The following OCEL1 variants were observed in gnomAD, a reference collection of about 807,000 sequenced individuals.
OCEL1 encodes the protein occludin/ELL domain-containing protein 1.
In OCEL1, 24 loss-of-function variants were observed where a neutral mutation model predicts 29.4. The observed-to-expected ratio is 0.82, with a 90% confidence interval of 0.59 to 1.15. OCEL1 has a LOEUF of 1.15. Among genes scored for constraint, OCEL1 ranks in the 50% most tolerant of loss-of-function variants. The pLI, the probability that OCEL1 is intolerant of heterozygous loss-of-function variation, is 0.00. For synonymous variants in OCEL1, 172 were observed against 145.3 expected (o/e 1.18, Z -1.32); for missense variants, 402 against 352.5 (o/e 1.14, Z -1.13).
At position 17,226,735 on chromosome 19, in the gene OCEL1, C is replaced by A; in HGVS notation, c.112C>A (p.Pro38Thr). The A allele has an allele frequency of 1.3e-6, 2 of 1,545,532 alleles. No individual in the cohort carries two copies. Among genetic ancestry groups the A allele is most frequent in the East Asian group, 2.4e-5 (1 of 41,984 alleles). ...PPPPRAGHDA[P>T]RRTRPSARKP... Reference sequence around the variant, plus strand: ...CCCGCCGCGCGCGGGACACGACGCCCCCCGCAGGACCCGCCCATCAGCCCG... The same window carrying A: ...CCCGCCGCGCGCGGGACACGACGCCACCCGCAGGACCCGCCCATCAGCCCG... The change falls in exon 2 of 6, where the codon CCC becomes ACC. Residue 38 changes from proline (P) to threonine (T), a missense_variant. By Grantham distance (38) the Pro-to-Thr change is conservative. Transcript: ENST00000215061.
intron 4 of OCEL1, 52 bp downstream of exon 4, chr19:17,228,057 C>G (rs754152747): frequency 6.3e-7 from 1 of 1,595,628 alleles, no homozygotes; most frequent in East Asian, 2.2e-5. Context: ...GTGGCCCGAC[C>G]CAAGCCTCTG....
Position 17,226,727 on chromosome 19 carries a change from A to C in OCEL1, c.104A>C (p.His35Pro). The C allele has an allele frequency of 6.5e-7, 1 of 1,536,242 alleles. No individual in the cohort carries two copies. The highest frequency in any genetic ancestry group is 8.7e-7 in the Non-Finnish European group (1 of 1,149,100). The change falls in exon 2 of 6, where the codon CAC becomes CCC. Residue 35 changes from histidine to proline, a missense_variant. Coordinates refer to ENST00000215061, the MANE Select transcript of OCEL1 (RefSeq NM_024578.3). ...ARRPPPPRAG[H>P]DAPRRTRPSA... ...AGACCACCCCCGCCGCGCGCGGGAC[A>C]CGACGCCCCCCGCAGGACCCGCCCA...
chr19:17,228,064 T>A, intron 4 of OCEL1, 59 bp downstream of exon 4: 1 of 1,586,276 alleles, frequency 6.3e-7, no homozygotes, highest in East Asian at 2.2e-5. Context: ...GACCCAAGCC[T>A]CTGGGACACC....
rs766788079 is a variant in OCEL1 at position 17,228,999 on chromosome 19, C to T, written c.*74C>T. 9.8e-6 allele frequency: 15 copies of T among 1,528,948 alleles called. No homozygotes were observed. The African/African-American group carries it at 2.1e-4, about 21-fold the overall frequency. The allele number at this position is 1,528,948 out of a possible 1,614,324, so 94.7% of individuals were successfully genotyped here. A position where few individuals can be genotyped will look rare whatever the true frequency, so the allele number is the denominator to read the frequency against. Reference sequence around the variant, plus strand: ...CATTTCTTGGTATCTCTCAGCTTTTCCTCTTGCAGCTCCCCCTACCAGGGG... The same window carrying T: ...CATTTCTTGGTATCTCTCAGCTTTTTCTCTTGCAGCTCCCCCTACCAGGGG... On this transcript the variant is annotated 3_prime_UTR_variant, in exon 6 of 6. Coordinates refer to ENST00000215061, the MANE Select transcript of OCEL1 (RefSeq NM_024578.3).
chr19:17,228,743 A>T, intron 5 of OCEL1, 60 bp from the exon 6 acceptor site: 1 of 1,581,164 alleles, frequency 6.3e-7, no homozygotes, highest in Non-Finnish European at 8.6e-7. Flanking sequence ...CAGAGAGTTA[A>T]GCAGCTTGAA....
intron 3 of OCEL1, among the ~76,000 whole-genome samples, chr19:17,227,520 G>A (rs1374524860): frequency 6.6e-6 from 1 of 152,024 alleles, no homozygotes; most frequent in African/African-American, 2.4e-5. Context: ...GTGAAACCCC[G>A]TCTCTACTAA....
At chr19:17,226,916 A>T in intron 2 of OCEL1, 47 bp downstream of exon 2, 1 of 1,509,410 alleles carries the variant, frequency 6.6e-7, no homozygotes, top group Non-Finnish European at 8.8e-7. Flanking sequence ...TCTAGGCAAA[A>T]GATTTAGCCC....
At position 17,227,112 on chromosome 19, in the gene OCEL1, C is replaced by T; in HGVS notation, c.365C>T (p.Ser122Phe). ...ATTGTGTTTGAGGATGAGTTGCTCT[C>T]CCAGGCCCTCCTGGGCGCCAAGAAG... ...KKIVFEDELL[S>F]QALLGAKKPI... The change falls in exon 3 of 6, where the codon TCC (serine) becomes TTC (phenylalanine). Residue 122 changes from serine to phenylalanine, a missense_variant. Ser to Phe is a radical substitution (Grantham distance 155). Transcript: ENST00000215061. 1.9e-6 allele frequency: 3 copies of T among 1,605,700 alleles called. No homozygotes were observed. Among genetic ancestry groups the T allele is most frequent in the Non-Finnish European group, 2.5e-6 (3 of 1,178,214 alleles).
chr19:17,226,984 C>T lies in OCEL1; in HGVS notation c.247-10C>T. 1 of 1,571,382 alleles carries T rather than the reference C, an allele frequency of 6.4e-7. No homozygotes were observed. Reference sequence around the variant, plus strand: ...CCCGATTTAACTCCAGACCACGATTCCTGTGGCAGCTGCAGGGACTGGCGC... The same window carrying T: ...CCCGATTTAACTCCAGACCACGATTTCTGTGGCAGCTGCAGGGACTGGCGC... On this transcript the variant is annotated splice_polypyrimidine_tract_variant and intron_variant, in intron 2 of 5. Transcript: ENST00000215061.
intron 5 of OCEL1, 123 bp downstream of exon 5, chr19:17,228,432 C>T (rs746030638): frequency 1.4e-5 from 14 of 1,014,588 alleles, no homozygotes; most frequent in Admixed American, 1.1e-4. Context: ...GTCACCCAGG[C>T]GGGAGTGCAG....
chr19:17,227,848 C>T lies in OCEL1; in HGVS notation c.461C>T (p.Pro154Leu), dbSNP rs376448632. 5.4e-5 allele frequency: 87 copies of T among 1,613,538 alleles called. 1 individual carries two copies. The highest frequency in any genetic ancestry group is 6.7e-5 in the Non-Finnish European group (79 of 1,179,976). The change falls in exon 4 of 6, where the codon CCG (proline) becomes CTG (leucine). Residue 154 changes from proline to leucine, a missense_variant. By Grantham distance (98) the Pro-to-Leu change is moderately conservative (BLOSUM62 -3). Transcript: ENST00000215061. ...CCTCTTCAACCTGGTAGTAAGTACC[C>T]GCCAGTGAGCAGTGAGAGGGAACGG... ...HPVPDYELKY[P>L]PVSSERERSR...
Position 17,228,886 on chromosome 19 carries a change from C to T in OCEL1, c.756C>T (p.Phe252=), listed in dbSNP as rs199547505. ...LRHLKTQIQK[F]DDQGDSEGSV... is the part of the protein sequence containing the mutation. Reference sequence around the variant, plus strand: ...ATCTCAAGACTCAGATCCAGAAATTCGATGACCAAGGAGACAGCGAGGGCT... The same window carrying T: ...ATCTCAAGACTCAGATCCAGAAATTTGATGACCAAGGAGACAGCGAGGGCT... The change falls in exon 6 of 6, where the codon TTC becomes TTT. Residue 252 remains phenylalanine, a synonymous_variant. Coordinates refer to ENST00000215061, the MANE Select transcript of OCEL1 (RefSeq NM_024578.3). 6.9e-5 allele frequency: 111 copies of T among 1,613,572 alleles called. No homozygotes were observed. The highest frequency in any genetic ancestry group is 1.6e-4 in the Middle Eastern group (1 of 6,072).
chr19:17,227,694 AAAT>A, intron 3 of OCEL1, 143 bp from the exon 4 acceptor site: 3 of 770,522 alleles, frequency 3.9e-6, no homozygotes. Flanking sequence ...CTATCTCAAA[AAAT>A]AATAATAAAT....
chr19:17,226,675 C>G lies in OCEL1; in HGVS notation c.70-18C>G. The G allele has an allele frequency of 6.9e-7, 1 of 1,454,364 alleles. No individual in the cohort carries two copies. The highest frequency in any genetic ancestry group is 9.0e-7 in the Non-Finnish European group (1 of 1,111,194). The allele number at this position is 1,454,364 out of a possible 1,614,324, so 90.1% of individuals were successfully genotyped here. A position where few individuals can be genotyped will look rare whatever the true frequency, so the allele number is the denominator to read the frequency against. ...GTGCGCGTCGTCAGGCGTGTCCTCT[C>G]CGCGTGTCCACCCACAGGCCGCCCG... is the stretch of plus-strand genomic sequence containing the variant. On this transcript the variant is annotated intron_variant, in intron 1 of 5. Transcript: ENST00000215061.
In OCEL1 at chr19:17,229,182, T is replaced by G. The variant is rs192892111; in HGVS notation, c.*257T>G. 7 of 339,516 alleles carry G rather than the reference T, an allele frequency of 2.1e-5. No homozygotes were observed. The highest frequency in any genetic ancestry group is 1.4e-4 in the African/African-American group (7 of 48,782). 21.0% of individuals were successfully genotyped at this position (339,516 alleles called of 1,614,324 possible). A position where few individuals can be genotyped will look rare whatever the true frequency, so the allele number is the denominator to read the frequency against. ...CCTGTTCCCTGGAAGTAGGGCCTGC[T>G]CTCCATCCCAGTGAAATAAACATGT... On this transcript the variant is annotated 3_prime_UTR_variant, in exon 6 of 6. Transcript: ENST00000215061.
In OCEL1 at chr19:17,226,675, C is replaced by A; in HGVS notation, c.70-18C>A. On this transcript the variant is annotated intron_variant, in intron 1 of 5. Transcript: ENST00000215061. ...GTGCGCGTCGTCAGGCGTGTCCTCTCCGCGTGTCCACCCACAGGCCGCCCG... is the reference window on the plus strand; with the variant it reads ...GTGCGCGTCGTCAGGCGTGTCCTCTACGCGTGTCCACCCACAGGCCGCCCG... 1.4e-6 allele frequency: 2 copies of A among 1,454,364 alleles called. No individual in the cohort carries two copies. Among genetic ancestry groups the A allele is most frequent in the South Asian group, 1.4e-5 (1 of 71,422 alleles). The allele number at this position is 1,454,364 out of a possible 1,614,324, so 90.1% of individuals were successfully genotyped here. A position where few individuals can be genotyped will look rare whatever the true frequency, so the allele number is the denominator to read the frequency against.
chr19:17,228,231 C>A (rs1192251649), intron 4 of OCEL1, 25 bp from the exon 5 acceptor site: 4 of 1,613,706 alleles, frequency 2.5e-6, no homozygotes, highest in Non-Finnish European at 3.4e-6. Context: ...CTCCCTAAAC[C>A]CCCTTTCTAC....
In OCEL1 at chr19:17,226,822, GGCTCCCGGGGGCACCT is replaced by G. The variant is rs763577017; in HGVS notation, c.202_217del (p.Ser68IlefsTer84). 53 of 1,580,356 alleles carry G rather than the reference GGCTCCCGGGGGCACCT, an allele frequency of 3.4e-5. No individual in the cohort carries two copies. The Admixed American group carries it at 7.7e-4, about 23-fold the overall frequency. On this transcript the variant is annotated frameshift_variant, in exon 2 of 6. Coordinates refer to ENST00000215061, the MANE Select transcript of OCEL1 (RefSeq NM_024578.3). LOFTEE classifies it high-confidence loss of function. ...CACCCGGGAGCCCCCAAAGACTCGCGGCTCCCGGGGGCACCTGCATACTCACCCGCCTGGGCCTGGG... is the reference window on the plus strand; with the variant it reads ...CACCCGGGAGCCCCCAAAGACTCGCGGCATACTCACCCGCCTGGGCCTGGG...
Position 17,229,055 on chromosome 19 carries a change from C to A in OCEL1, c.*130C>A. 2 of 1,085,260 alleles carry A rather than the reference C, an allele frequency of 1.8e-6. No homozygotes were observed. The highest frequency in any genetic ancestry group is 2.6e-6 in the Non-Finnish European group (2 of 775,464). 67.2% of individuals were successfully genotyped at this position (1,085,260 alleles called of 1,614,324 possible). On this transcript the variant is annotated 3_prime_UTR_variant, in exon 6 of 6. Transcript: ENST00000215061. ...TTCTCCTGGATTGCAAATGCCTCTT[C>A]AGTTTGGACTCAGCTCTGACAGCCC... is the stretch of plus-strand genomic sequence containing the variant.
Sources: allele counts gnomAD v4.1 joint callset (sites outside exome capture counted in the v4.1 genomes callset), GRCh38; gene constraint gnomAD v4.1.1; transcripts MANE v1.5; gene names NCBI Gene and HGNC (gene_info 2026-07-23, HGNC 2026-07-21).